VSX1: variants seen among roughly 807,000 people sequenced by gnomAD.
VSX1 encodes the protein homeodomain protein RINX.
VSX1 carries 23 observed loss-of-function variants against 23.6 expected under a neutral mutation model. The ratio of observed to expected loss-of-function variants is 0.97; its 90% confidence interval spans 0.70 to 1.38. The LOEUF is 1.38. Among genes scored for constraint, VSX1 ranks in the 40% most tolerant of loss-of-function variants. VSX1 has a pLI of 0.00. For synonymous variants in VSX1, 247 were observed against 215.1 expected (o/e 1.15, Z -1.30); for missense variants, 517 against 495.4 (o/e 1.04, Z -0.41).
chr20:25,078,641 A>AT, intron 3 of VSX1, 188 bp downstream of exon 3: 2 of 1,532,046 alleles, frequency 1.3e-6, no homozygotes, highest in East Asian at 2.3e-5. Context: ...CTAAATAATA[A>AT]TAAAATGAAA....
chr20:25,081,360 A>G (rs2089637730), intron 1 of VSX1: 13 of 632,674 alleles, frequency 2.1e-5, no homozygotes, highest in Non-Finnish European at 3.0e-5. Flanking sequence ...CGCTGGGGGG[A>G]AAAATGGCCC....
Position 25,078,846 on chromosome 20 carries a change from G to A in VSX1, c.610C>T (p.Pro204Ser), listed in dbSNP as rs1486394316. ...REMLAVKTELPEDRIQVWFQN... is the reference protein window; with the variant it reads ...REMLAVKTELSEDRIQVWFQN... ...CCAGACACCTGTATCCGGTCTTCGG[G>A]GAGCTCAGTTTTCACAGCCAGCATT... Residue 204 changes from proline to serine, a missense_variant, in exon 3 of 5, where the codon CCC becomes TCC. Transcript: ENST00000376709. 5 of 1,614,156 alleles carry A rather than the reference G, an allele frequency of 3.1e-6. No homozygotes were observed. The Admixed American group carries it at 6.7e-5, about 22-fold the overall frequency.
chr20:25,081,816 G>C lies in VSX1; in HGVS notation c.281C>G (p.Ala94Gly). 1 of 1,502,678 alleles carries C rather than the reference G, an allele frequency of 6.7e-7. No individual in the cohort carries two copies. The highest frequency in any genetic ancestry group is 8.8e-7 in the Non-Finnish European group (1 of 1,134,696). The allele number at this position is 1,502,678 out of a possible 1,614,324, so 93.1% of individuals were successfully genotyped here. A position where few individuals can be genotyped will look rare whatever the true frequency, so the allele number is the denominator to read the frequency against. The change falls in exon 1 of 5, where the codon GCG becomes GGG. Residue 94 changes from alanine (A) to glycine (G), a missense_variant. Physicochemically the swap from Ala to Gly is moderately conservative, Grantham distance 60 (BLOSUM62 0). Transcript: ENST00000376709. Reference sequence around the variant, plus strand: ...GAGCAGGCAGGGTGCTCGAGCGGCCGCCGGCGGCTGCGTGCCGAAGCCACA... The same window carrying C: ...GAGCAGGCAGGGTGCTCGAGCGGCCCCCGGCGGCTGCGTGCCGAAGCCACA... ...LLCGFGTQPPAAARAPCLLLA... is the reference protein window; with the variant it reads ...LLCGFGTQPPGAARAPCLLLA...
In VSX1 at chr20:25,075,969, T is replaced by C. The variant is rs1469963502; in HGVS notation, c.*292A>G. ...TCTCAAATGATGCCCAGCAGTGAAA[T>C]CATTTTTGAACTTCGGATCCTCCCT... On this transcript the variant is annotated 3_prime_UTR_variant, in exon 5 of 5. Transcript: ENST00000376709. The C allele has an allele frequency of 1.5e-5, 7 of 470,704 alleles. No individual in the cohort carries two copies. In the East Asian group the frequency reaches 2.1e-4, roughly 14 times the overall value. 29.2% of individuals were successfully genotyped at this position (470,704 alleles called of 1,614,324 possible).
At position 25,077,696 on chromosome 20, in the gene VSX1, G is replaced by A; in HGVS notation, c.797C>T (p.Pro266Leu). The change falls in exon 4 of 5, where the codon CCC becomes CTC. Residue 266 changes from proline to leucine, a missense_variant. Pro to Leu is a moderately conservative substitution (Grantham distance 98). Coordinates refer to ENST00000376709, the MANE Select transcript of VSX1 (RefSeq NM_014588.6). ...AEGGLLGSCA[P>L]WLLGMHKKSM... ...GGGCCCTTCCTTACCCAGGAGCCAG[G>A]GCGCGCAGGAGCCCAGCAGGCCGCC... The A allele has an allele frequency of 8.4e-6, 13 of 1,548,690 alleles. No homozygotes were observed. The highest frequency in any genetic ancestry group is 1.1e-5 in the Non-Finnish European group (13 of 1,146,766).
chr20:25,072,599 C>T, downstream of VSX1: 1 of 471,172 alleles, frequency 2.1e-6, no homozygotes, highest in Non-Finnish European at 4.4e-6. Context: ...TGACAATCGG[C>T]TTAGCAGGTT....
rs767762959 is a variant in VSX1 at position 25,078,899 on chromosome 20, G to A, written c.557C>T (p.Ala186Val). 5 of 1,614,078 alleles carry A rather than the reference G, an allele frequency of 3.1e-6. No homozygotes were observed. The highest frequency in any genetic ancestry group is 2.7e-5 in the African/African-American group (2 of 74,922). The change falls in exon 3 of 5, where the codon GCC (alanine) becomes GTC (valine). Residue 186 changes from alanine (A) to valine (V), a missense_variant. By Grantham distance (64) the Ala-to-Val change is moderately conservative. Transcript: ENST00000376709. ...TCGGGCATACACATCAGGGTAGTGG[G>A]CCTCGCTGAATGCCTTCTCCAACTC... is the stretch of plus-strand genomic sequence containing the variant. ...LEELEKAFSE[A>V]HYPDVYAREM...
At chr20:25,078,806 C>A (rs6138482) in intron 3 of VSX1, 23 bp downstream of exon 3, 6 of 1,613,796 alleles carry the variant, frequency 3.7e-6, no homozygotes, top group South Asian at 1.1e-5. Context: ...ATCTTTGGAG[C>A]GGAGAAAAGG....
At chr20:25,080,009 G>A (rs943201415) in intron 1 of VSX1, among the ~76,000 whole-genome samples, 5 of 152,166 alleles carry the variant, frequency 3.3e-5, no homozygotes, top group Non-Finnish European at 5.9e-5. Flanking sequence ...CAGAACCCTC[G>A]TCAGAACTGC....
In VSX1 at chr20:25,075,927, G is replaced by A. The variant is rs2089480233; in HGVS notation, c.*334C>T. The A allele has an allele frequency of 2.5e-6, 1 of 397,552 alleles. No individual in the cohort carries two copies. The highest frequency in any genetic ancestry group is 4.7e-6 in the Non-Finnish European group (1 of 211,850). The allele number at this position is 397,552 out of a possible 1,614,324, so 24.6% of individuals were successfully genotyped here. ...CAGACCTAACCTATTCATCTATACA[G>A]TACATTGAACCACACATCTCAAATG... On this transcript the variant is annotated 3_prime_UTR_variant, in exon 5 of 5. Coordinates refer to ENST00000376709, the MANE Select transcript of VSX1 (RefSeq NM_014588.6).
At chr20:25,071,943 C>G (rs1275717970), downstream of VSX1, 3 of 663,548 alleles carry the variant, frequency 4.5e-6, no homozygotes, top group South Asian at 5.2e-5. Context: ...CATCAGGCAC[C>G]ACCACGGGGT....
downstream of VSX1, among the ~76,000 whole-genome samples, chr20:25,074,958 G>T (rs981236193): frequency 1.3e-5 from 2 of 152,224 alleles, no homozygotes; most frequent in African/African-American, 2.4e-5. Flanking sequence ...CCTCAGTTAT[G>T]ATATCTGTTA....
intron 2 of VSX1, 61 bp from the exon 3 acceptor site, chr20:25,079,013 G>A (rs1056864465): frequency 6.3e-5 from 101 of 1,605,304 alleles, no homozygotes; most frequent in Non-Finnish European, 8.3e-5. Context: ...AGCCTCCCTG[G>A]CCTTAAGGAC....
downstream of VSX1, among the ~76,000 whole-genome samples, chr20:25,073,783 T>C (rs138475515): frequency 5.9e-5 from 9 of 152,252 alleles, no homozygotes; most frequent in South Asian, 6.2e-4. Flanking sequence ...CAAGCTTGAG[T>C]CCTGGATTCC....
chr20:25,081,451 G>A (rs772554739), intron 1 of VSX1: 18 of 809,144 alleles, frequency 2.2e-5, no homozygotes, highest in Admixed American at 2.2e-4. Context: ...TCACATCGCT[G>A]AGGGAACAGG....
At position 25,081,528 on chromosome 20, in the gene VSX1, C is replaced by A. The variant is rs1174598962; in HGVS notation, c.424+145G>T. The A allele has an allele frequency of 1.0e-5, 13 of 1,270,798 alleles. No homozygotes were observed. The South Asian group carries it at 1.4e-4, about 14-fold the overall frequency. The allele number at this position is 1,270,798 out of a possible 1,614,324, so 78.7% of individuals were successfully genotyped here. A position where few individuals can be genotyped will look rare whatever the true frequency, so the allele number is the denominator to read the frequency against. On this transcript the variant is annotated intron_variant, in intron 1 of 4. Coordinates refer to ENST00000376709, the MANE Select transcript of VSX1 (RefSeq NM_014588.6). Reference sequence around the variant, plus strand: ...AGGCGGCGCAGCTCCGCGAATGCCCCTCCCGCGACGGGGCCTCGCTCTGGG... The same window carrying A: ...AGGCGGCGCAGCTCCGCGAATGCCCATCCCGCGACGGGGCCTCGCTCTGGG...
chr20:25,072,469 G>A (rs743018), downstream of VSX1: 178,150 of 464,468 alleles, frequency 0.38, 35,969 homozygotes, highest in African/African-American at 0.55. Flanking sequence ...CCCCCAGGCC[G>A]ATACTGTCCT....
At chr20:25,078,745 A>T (rs56157240) in intron 3 of VSX1, 84 bp downstream of exon 3, 391,438 of 1,613,902 alleles carry the variant, frequency 0.24, 51,885 homozygotes, top group African/African-American at 0.45. Context: ...GCTATAGAGA[A>T]GGGACTGCTG....
downstream of VSX1, chr20:25,072,512 A>G (rs1303825206): frequency 1.7e-5 from 8 of 470,698 alleles, no homozygotes; most frequent in Non-Finnish European, 3.1e-5. Context: ...CAAAGCACTG[A>G]GCTGGGACAG....
Sources: gnomAD v4.1 joint callset for allele counts (sites outside exome capture counted in the v4.1 genomes callset) on GRCh38, gnomAD v4.1.1 for gene constraint, MANE v1.5 for transcripts, NCBI Gene and HGNC (gene_info 2026-07-23, HGNC 2026-07-21) for gene names.